PRKG2: variants seen among roughly 807,000 people sequenced by gnomAD.
The protein encoded by PRKG2 is cGMP-dependent protein kinase 2.
PRKG2 carries 33 observed loss-of-function variants against 97.2 expected under a neutral mutation model. That is an observed-to-expected ratio of 0.34 (90% CI 0.26 to 0.45). PRKG2 has a LOEUF of 0.45. Among genes scored for constraint, PRKG2 ranks in the 20% least tolerant of loss-of-function variants. The pLI, the probability that PRKG2 is intolerant of heterozygous loss-of-function variation, is 1.00. For missense variants in PRKG2, 638 were observed against 900.0 expected (o/e 0.71, Z 3.73); for synonymous variants, 330 against 321.8 (o/e 1.03, Z -0.27).
rs1365974812 is a variant in PRKG2 at position 81,155,105 on chromosome 4, G to A, written c.913-1384C>T. ...AGGCAGGAGAATGGCGTGAACCCGG[G>A]AGGCGGAGCTTGCAGTGAGCCGAGA... On this transcript the variant is annotated intron_variant, in intron 6 of 18. Coordinates refer to ENST00000264399, the MANE Select transcript of PRKG2 (RefSeq NM_006259.3). Among the ~76,000 whole-genome samples the A allele has an allele frequency of 3.5e-5, 5 of 144,504 alleles. No homozygotes were observed. The East Asian group carries it at 8.3e-4, about 24-fold the overall frequency. 94.8% of individuals were successfully genotyped at this position (144,504 alleles called of 152,430 possible). A position where few individuals can be genotyped will look rare whatever the true frequency, so the allele number is the denominator to read the frequency against.
At chr4:81,211,604 G>A (rs952621969) in intron 1 of PRKG2, among the ~76,000 whole-genome samples, 3 of 152,146 alleles carry the variant, frequency 2.0e-5, no homozygotes, top group Non-Finnish European at 2.9e-5. Flanking sequence ...AAGGAATGGA[G>A]TAAAAAGAGC....
chr4:81,186,113 C>A (rs1751859592), intron 2 of PRKG2, among the ~76,000 whole-genome samples: 1 of 152,104 alleles, frequency 6.6e-6, no homozygotes, highest in African/African-American at 2.4e-5. Flanking sequence ...AGCTCTGGAC[C>A]AAGCAGACCT....
intron 2 of PRKG2, among the ~76,000 whole-genome samples, chr4:81,180,707 T>G (rs532341348): frequency 6.6e-6 from 1 of 152,198 alleles, no homozygotes; most frequent in Non-Finnish European, 1.5e-5. Flanking sequence ...CTCTAATTAA[T>G]AGAATAAGCC....
chr4:81,089,358 C>T lies in PRKG2; in HGVS notation c.*350G>A, dbSNP rs559102192. 12 of 169,838 alleles carry T rather than the reference C, an allele frequency of 7.1e-5. No individual in the cohort carries two copies. The South Asian group carries it at 1.4e-3, about 19-fold the overall frequency. The allele number at this position is 169,838 out of a possible 1,614,324, so 10.5% of individuals were successfully genotyped here. A position where few individuals can be genotyped will look rare whatever the true frequency, so the allele number is the denominator to read the frequency against. ...ATTCAAGGGCAAGACCCTTTTTAAACGTTAGTAGTACTCAAACGAGAAGGA... is the reference window on the plus strand; with the variant it reads ...ATTCAAGGGCAAGACCCTTTTTAAATGTTAGTAGTACTCAAACGAGAAGGA... On this transcript the variant is annotated 3_prime_UTR_variant, in exon 19 of 19. Coordinates refer to ENST00000264399, the MANE Select transcript of PRKG2 (RefSeq NM_006259.3).
intron 18 of PRKG2, among the ~76,000 whole-genome samples, chr4:81,091,783 C>T (rs547137822): frequency 2.0e-5 from 3 of 152,110 alleles, no homozygotes; most frequent in Non-Finnish European, 4.4e-5. Context: ...TTCTTCCTCC[C>T]ATGTTAGCTG....
At chr4:81,140,793 G>A (rs1019029044) in intron 11 of PRKG2, 124 bp from the exon 12 acceptor site, 20 of 742,812 alleles carry the variant, frequency 2.7e-5, no homozygotes, top group African/African-American at 2.6e-4. Flanking sequence ...TTATCCCTTT[G>A]AGAACTTTCA....
intron 8 of PRKG2, among the ~76,000 whole-genome samples, chr4:81,150,973 A>T (rs1195367880): frequency 2.0e-5 from 3 of 152,122 alleles, no homozygotes; most frequent in African/African-American, 7.2e-5. Context: ...ATAATAGCTA[A>T]AACTTTATTT....
chr4:81,140,100 A>G (rs1186123550), intron 12 of PRKG2, among the ~76,000 whole-genome samples: 1 of 152,220 alleles, frequency 6.6e-6, no homozygotes, highest in Non-Finnish European at 1.5e-5. Flanking sequence ...TAGAAATCAA[A>G]GCAATTGAAT....
At chr4:81,186,222 A>G (rs763926767) in intron 2 of PRKG2, among the ~76,000 whole-genome samples, 2 of 152,100 alleles carry the variant, frequency 1.3e-5, no homozygotes, top group African/African-American at 4.8e-5. Flanking sequence ...ATAATTGGAA[A>G]TAAAACACTC....
At chr4:81,199,128 A>ATTTT (rs1753140484) in intron 2 of PRKG2, among the ~76,000 whole-genome samples, 1 of 152,188 alleles carries the variant, frequency 6.6e-6, no homozygotes, top group African/African-American at 2.4e-5. Flanking sequence ...CACTCTTAAA[A>ATTTT]ATCTTTAATT....
chr4:81,154,523 C>G (rs1398795584), intron 6 of PRKG2, among the ~76,000 whole-genome samples: 2 of 72,602 alleles, frequency 2.8e-5, no homozygotes, highest in East Asian at 8.0e-4. Flanking sequence ...ACACCTCACA[C>G]GGCAGGGTAC....
rs180831710 is a variant in PRKG2, at chr4:81,110,450, G to A, written c.1938C>T (p.Gly646=). Residue 646 remains glycine (G), a splice_region_variant and synonymous_variant, in exon 15 of 19, where the codon GGC becomes GGT. Transcript: ENST00000264399. ...GCATAAAACTTGAAGGTACATACTT[G>A]CCCGTTAGGAGCTCATACACTAGAA... ...LGILVYELLT[G]NPPFSGVDQM... 1 of 1,611,246 alleles carries A rather than the reference G, an allele frequency of 6.2e-7. No homozygotes were observed. The highest frequency in any genetic ancestry group is 8.5e-7 in the Non-Finnish European group (1 of 1,179,170).
At chr4:81,137,762 C>A (rs1027432158) in intron 12 of PRKG2, among the ~76,000 whole-genome samples, 1 of 152,206 alleles carries the variant, frequency 6.6e-6, no homozygotes, top group Non-Finnish European at 1.5e-5. Flanking sequence ...TCAGGGCCAA[C>A]CTCCAAGGCC....
chr4:81,104,035 A>AAAACAAAC (rs71664829), intron 17 of PRKG2, among the ~76,000 whole-genome samples: 217 of 151,858 alleles, frequency 1.4e-3, no homozygotes, highest in African/African-American at 4.9e-3. Context: ...TGTCATAAGA[A>AAAACAAAC]AAACAAACAA....
intron 6 of PRKG2, among the ~76,000 whole-genome samples, 186 bp downstream of exon 6, chr4:81,166,975 G>C (rs1236822678): frequency 6.6e-6 from 1 of 152,028 alleles, no homozygotes; most frequent in African/African-American, 2.4e-5. Context: ...TACATCTGAA[G>C]AGTTTAAACC....
chr4:81,121,515 G>T (rs781743383), intron 14 of PRKG2, among the ~76,000 whole-genome samples: 3 of 152,032 alleles, frequency 2.0e-5, no homozygotes, highest in Non-Finnish European at 2.9e-5. Context: ...TTCCTCTTGT[G>T]TGACTTTTGA....
chr4:81,171,035 T>C (rs979813353), intron 4 of PRKG2, among the ~76,000 whole-genome samples: 8 of 152,254 alleles, frequency 5.3e-5, no homozygotes, highest in African/African-American at 1.9e-4. Context: ...ATTTCCAGGA[T>C]ACACATGCAA....
chr4:81,114,322 G>GAA (rs200260020), intron 14 of PRKG2, among the ~76,000 whole-genome samples: 4 of 140,922 alleles, frequency 2.8e-5, no homozygotes, highest in South Asian at 2.3e-4. Flanking sequence ...TGTGTTTGGT[G>GAA]AAAAAAAAAA....
At chr4:81,092,308 C>A in intron 18 of PRKG2, 78 bp downstream of exon 18, 2 of 903,174 alleles carry the variant, frequency 2.2e-6, no homozygotes, top group East Asian at 3.0e-5. Context: ...TGGGCATATA[C>A]ATACACACAT....
Sources: gnomAD v4.1 joint callset for allele counts (sites outside exome capture counted in the v4.1 genomes callset) on GRCh38, gnomAD v4.1.1 for gene constraint, MANE v1.5 for transcripts, NCBI Gene and HGNC (gene_info 2026-07-23, HGNC 2026-07-21) for gene names.